Variants in MARCHF1 observed in about 807,000 individuals in gnomAD.
MARCHF1 encodes the protein membrane associated ring-CH-type finger 1.
In MARCHF1, 40 loss-of-function variants were observed where a neutral mutation model predicts 54.2. The ratio of observed to expected loss-of-function variants is 0.74; its 90% CI spans 0.57 to 0.96. The LOEUF is 0.96. Among genes scored for constraint, MARCHF1 ranks in the 40% least tolerant of loss-of-function variants. MARCHF1 has a pLI of 0.00. For synonymous variants in MARCHF1, 236 were observed against 236.3 expected (o/e 1.00, Z 0.01); for missense variants, 586 against 656.5 (o/e 0.89, Z 1.17).
chr4:163,744,864 T>C (rs376204582), intron 4 of MARCHF1, among the ~76,000 whole-genome samples: 1 of 152,100 alleles, frequency 6.6e-6, no homozygotes, highest in African/African-American at 2.4e-5. Flanking sequence ...ACTAAAGATA[T>C]AAAAGAGAGA....
intron 4 of MARCHF1, among the ~76,000 whole-genome samples, chr4:163,817,160 G>A (rs1003317471): frequency 3.3e-5 from 5 of 151,912 alleles, no homozygotes; most frequent in Non-Finnish European, 5.9e-5. Flanking sequence ...TGCTAGACAT[G>A]TCCTTCCTAA....
At chr4:163,692,838 A>G (rs1744506832) in intron 5 of MARCHF1, among the ~76,000 whole-genome samples, 1 of 151,376 alleles carries the variant, frequency 6.6e-6, no homozygotes, top group Admixed American at 6.6e-5. Context: ...AACCAAGTAG[A>G]AGCACTAACT....
At chr4:164,070,189 A>G (rs1327112700) in intron 2 of MARCHF1, among the ~76,000 whole-genome samples, 1 of 152,210 alleles carries the variant, frequency 6.6e-6, no homozygotes, top group Admixed American at 6.5e-5. Flanking sequence ...TGGGTGCAAT[A>G]TACCCATGCA....
chr4:163,556,997 T>C (rs1415044747), intron 8 of MARCHF1, among the ~76,000 whole-genome samples: 4 of 152,178 alleles, frequency 2.6e-5, no homozygotes, highest in African/African-American at 9.7e-5. Flanking sequence ...TGATTTTCAA[T>C]GGATTCTCAA....
At chr4:164,215,283 G>C (rs1009489756) in intron 1 of MARCHF1, among the ~76,000 whole-genome samples, 2 of 152,148 alleles carry the variant, frequency 1.3e-5, no homozygotes, top group African/African-American at 2.4e-5. Flanking sequence ...TCCTTCGGTA[G>C]ATAGCCTGCC....
At chr4:163,663,418 T>C (rs1462751502) in intron 5 of MARCHF1, among the ~76,000 whole-genome samples, 1 of 152,072 alleles carries the variant, frequency 6.6e-6, no homozygotes, top group Non-Finnish European at 1.5e-5. Context: ...TTCTCACTGC[T>C]GGAGATTTTT....
At chr4:164,199,123 GCAAGAA>G (rs1731366168) in intron 1 of MARCHF1, among the ~76,000 whole-genome samples, 1 of 152,060 alleles carries the variant, frequency 6.6e-6, no homozygotes, top group Admixed American at 6.6e-5. Context: ...CCCACACATA[GCAAGAA>G]CACTGAGACA....
intron 3 of MARCHF1, among the ~76,000 whole-genome samples, chr4:163,893,408 G>A (rs1389539303): frequency 6.6e-6 from 1 of 152,156 alleles, no homozygotes; most frequent in African/African-American, 2.4e-5. Context: ...CAAAGTGCCA[G>A]GATTACAGGC....
intron 2 of MARCHF1, among the ~76,000 whole-genome samples, chr4:164,045,590 G>C (rs1490978446): frequency 6.6e-6 from 1 of 151,150 alleles, no homozygotes; most frequent in African/African-American, 2.4e-5. Context: ...ATGTGCTTCA[G>C]ATTTAGTTTA....
chr4:164,191,733 TTTC>T (rs1193341852), intron 1 of MARCHF1, among the ~76,000 whole-genome samples: 1 of 152,182 alleles, frequency 6.6e-6, no homozygotes, highest in African/African-American at 2.4e-5. Context: ...ATAGTCTAGT[TTTC>T]TGAGAGTCAT....
intron 3 of MARCHF1, among the ~76,000 whole-genome samples, chr4:163,941,697 C>T (rs544263788): frequency 6.6e-6 from 1 of 152,238 alleles, no homozygotes; most frequent in African/African-American, 2.4e-5. Flanking sequence ...GCCTAAAGAA[C>T]AGTTTGTGCT....
intron 2 of MARCHF1, among the ~76,000 whole-genome samples, chr4:164,040,885 T>C (rs1754114546): frequency 6.6e-6 from 1 of 152,106 alleles, no homozygotes. Flanking sequence ...CATGACATTC[T>C]GAATTGTTTA....
rs575109044 is a variant in MARCHF1, at chr4:163,526,294, G to GTATC, written c.*2450_*2453dup. 5.3e-4 allele frequency: 80 copies of GTATC among 152,106 alleles called. No homozygotes were observed. Among genetic ancestry groups the GTATC allele is most frequent in the Middle Eastern group, 6.8e-3 (2 of 294 alleles). 9.4% of individuals were successfully genotyped at this position (152,106 alleles called of 1,614,324 possible). On this transcript the variant is annotated 3_prime_UTR_variant, in exon 10 of 10. Coordinates refer to ENST00000514618, the MANE Select transcript of MARCHF1 (RefSeq NM_001394959.1). The stretch of plus-strand genomic sequence containing the variant: ...TCCACTGTGAAATCAGCCCTGCAAC[G>GTATC]TATCTTGTTTAGGTTCGTACAGAAT...
chr4:164,100,755 G>C (rs1343059889), intron 2 of MARCHF1, among the ~76,000 whole-genome samples: 2 of 152,210 alleles, frequency 1.3e-5, no homozygotes, highest in Non-Finnish European at 2.9e-5. Flanking sequence ...AGCTGGGGGA[G>C]GAGCCAAGAT....
intron 3 of MARCHF1, among the ~76,000 whole-genome samples, chr4:163,889,836 A>C (rs1750615054): frequency 6.8e-6 from 1 of 147,968 alleles, no homozygotes; most frequent in Non-Finnish European, 1.5e-5. Context: ...GATTACTGCC[A>C]AATCACTACC....
At chr4:163,743,664 C>T (rs563406212) in intron 4 of MARCHF1, among the ~76,000 whole-genome samples, 6 of 151,314 alleles carry the variant, frequency 4.0e-5, no homozygotes, top group South Asian at 2.1e-4. Context: ...CTGCAAGCTC[C>T]GCTTCCCAGG....
At chr4:163,983,437 T>A (rs1752800328) in intron 3 of MARCHF1, among the ~76,000 whole-genome samples, 1 of 152,178 alleles carries the variant, frequency 6.6e-6, no homozygotes, top group Non-Finnish European at 1.5e-5. Context: ...TTGAATAAAA[T>A]GAATTCTAGT....
chr4:163,970,090 C>T (rs1436215012), intron 3 of MARCHF1, among the ~76,000 whole-genome samples: 1 of 152,162 alleles, frequency 6.6e-6, no homozygotes, highest in Non-Finnish European at 1.5e-5. Context: ...CAATACAAGA[C>T]ACAGTGACTT....
intron 5 of MARCHF1, among the ~76,000 whole-genome samples, chr4:163,621,979 T>C (rs915595823): frequency 6.6e-6 from 1 of 152,012 alleles, no homozygotes; most frequent in Admixed American, 6.6e-5. Flanking sequence ...CACCGGTGTC[T>C]TAGGGTAGGA....
Sources: gnomAD v4.1 joint callset for allele counts (sites outside exome capture counted in the v4.1 genomes callset) on GRCh38, gnomAD v4.1.1 for gene constraint, MANE v1.5 for transcripts, NCBI Gene and HGNC (gene_info 2026-07-23, HGNC 2026-07-21) for gene names.